FBN1: variants seen among roughly 807,000 people sequenced by gnomAD.
The protein encoded by FBN1 is fibrillin-1.
Under a neutral mutation model 365.1 loss-of-function variants are expected in FBN1, and 29 were observed. That is an observed-to-expected ratio of 0.08 (90% CI 0.06 to 0.11). The LOEUF is 0.11. Among genes scored for constraint, FBN1 ranks in the 10% least tolerant of loss-of-function variants. FBN1 has a pLI of 1.00. For missense variants in FBN1, 2,476 were observed against 3,703.2 expected (o/e 0.67, Z 8.60); for synonymous variants, 1,210 against 1,270.5 (o/e 0.95, Z 1.01).
intron 6 of FBN1, among the ~76,000 whole-genome samples, chr15:48,565,497 A>C (rs774154843): frequency 1.2e-4 from 19 of 152,114 alleles, no homozygotes; most frequent in Non-Finnish European, 2.6e-4. Flanking sequence ...TAGTTAATTA[A>C]AAACAAAAGG....
At chr15:48,449,384 G>C (rs2043183422) in intron 45 of FBN1, among the ~76,000 whole-genome samples, 1 of 152,090 alleles carries the variant, frequency 6.6e-6, no homozygotes, top group Non-Finnish European at 1.5e-5. Context: ...GCATCTCTTT[G>C]TTTTGTCTTA....
chr15:48,538,829 G>T (rs1328651180), intron 6 of FBN1, among the ~76,000 whole-genome samples: 1 of 152,142 alleles, frequency 6.6e-6, no homozygotes, highest in Non-Finnish European at 1.5e-5. Context: ...TTTAGGTGCA[G>T]TGATCCCTGT....
At chr15:48,471,031 A>C (rs1249963698) in intron 35 of FBN1, among the ~76,000 whole-genome samples, 1 of 151,942 alleles carries the variant, frequency 6.6e-6, no homozygotes. Flanking sequence ...ACGTAGGTCC[A>C]CATCACTTTC....
intron 40 of FBN1, among the ~76,000 whole-genome samples, 188 bp downstream of exon 40, chr15:48,465,380 C>T (rs926632544): frequency 4.6e-5 from 7 of 152,216 alleles, no homozygotes; most frequent in Admixed American, 1.3e-4. Context: ...TTAGGACTTA[C>T]CAGAAATGAC....
intron 62 of FBN1, 56 bp from the exon 63 acceptor site, chr15:48,420,862 G>A: frequency 6.2e-7 from 1 of 1,606,082 alleles, no homozygotes; most frequent in Non-Finnish European, 8.5e-7. Flanking sequence ...TCTGAAGCCA[G>A]ATGGATTCTA....
chr15:48,422,516 C>T (rs950531834), intron 60 of FBN1, among the ~76,000 whole-genome samples: 3 of 152,192 alleles, frequency 2.0e-5, no homozygotes, highest in Non-Finnish European at 4.4e-5. Context: ...CTTCTGTTTG[C>T]TGTTTTTAAT....
chr15:48,521,753 C>G (rs1351366917), intron 9 of FBN1, among the ~76,000 whole-genome samples: 1 of 152,216 alleles, frequency 6.6e-6, no homozygotes. Context: ...CTGACATGTG[C>G]TGAGGGTGTA....
chr15:48,545,897 C>T (rs779827200), intron 6 of FBN1, among the ~76,000 whole-genome samples: 3 of 151,902 alleles, frequency 2.0e-5, no homozygotes, highest in Non-Finnish European at 2.9e-5. Flanking sequence ...TGATGGTAGG[C>T]GCCTGTACTC....
At chr15:48,639,405 TTGTTATTA>T (rs962752592) in intron 2 of FBN1, among the ~76,000 whole-genome samples, 7 of 152,194 alleles carry the variant, frequency 4.6e-5, no homozygotes, top group Admixed American at 4.6e-4. Flanking sequence ...ATGGCTGCAA[TTGTTATTA>T]TGTATTTGTT....
intron 6 of FBN1, among the ~76,000 whole-genome samples, chr15:48,571,766 C>T (rs918379837): frequency 6.6e-6 from 1 of 152,156 alleles, no homozygotes; most frequent in African/African-American, 2.4e-5. Flanking sequence ...AACAATTTCA[C>T]TCCATTCTAA....
chr15:48,437,682 C>T, intron 51 of FBN1, 86 bp downstream of exon 51: 7 of 1,347,486 alleles, frequency 5.2e-6, no homozygotes, highest in Non-Finnish European at 7.4e-6. Context: ...AATTGTGTTA[C>T]TGTCTTTAAG....
intron 4 of FBN1, among the ~76,000 whole-genome samples, chr15:48,607,091 G>C (rs61673106): frequency 0.11 from 17,448 of 152,062 alleles, 3,435 homozygotes; most frequent in African/African-American, 0.4. Context: ...AAGTTATCCA[G>C]TCTGTGGTAT....
At chr15:48,539,492 C>A (rs1170530539) in intron 6 of FBN1, among the ~76,000 whole-genome samples, 1 of 152,082 alleles carries the variant, frequency 6.6e-6, no homozygotes, top group African/African-American at 2.4e-5. Context: ...TTTTAGTAGT[C>A]ACATATTAAT....
intron 6 of FBN1, among the ~76,000 whole-genome samples, chr15:48,560,930 T>C (rs139078762): frequency 2.0e-4 from 31 of 152,236 alleles, no homozygotes; most frequent in African/African-American, 4.8e-4. Context: ...ATCTGAACAA[T>C]AGGGATCATG....
chr15:48,603,244 T>C (rs769608805), intron 4 of FBN1, among the ~76,000 whole-genome samples: 26 of 152,240 alleles, frequency 1.7e-4, no homozygotes, highest in Non-Finnish European at 3.1e-4. Flanking sequence ...TCATTCAGAC[T>C]TGTGAAACAA....
At chr15:48,634,857 CCACACACACACACACACACA>C (rs57811526) in intron 2 of FBN1, among the ~76,000 whole-genome samples, 8 of 69,174 alleles carry the variant, frequency 1.2e-4, no homozygotes, top group East Asian at 8.8e-4. Flanking sequence ...AAAAAAAAAA[CCACACACACACACACACACA>C]CACACACACA....
intron 48 of FBN1, 81 bp downstream of exon 48, chr15:48,445,295 A>C: frequency 1.3e-6 from 2 of 1,489,242 alleles, no homozygotes; most frequent in Non-Finnish European, 1.9e-6. Flanking sequence ...TCCAGAAAGA[A>C]GCATTAGAAC....
At chr15:48,640,316 C>CT (rs1022588556) in intron 2 of FBN1, among the ~76,000 whole-genome samples, 4 of 151,900 alleles carry the variant, frequency 2.6e-5, no homozygotes, top group African/African-American at 9.7e-5. Flanking sequence ...ACACTATATC[C>CT]TTTTTTAAAA....
intron 4 of FBN1, among the ~76,000 whole-genome samples, chr15:48,601,501 A>G (rs1429180431): frequency 6.6e-6 from 1 of 152,206 alleles, no homozygotes; most frequent in Non-Finnish European, 1.5e-5. Flanking sequence ...TTAGCTAAGG[A>G]GAAGAGAATA....
Sources: gnomAD v4.1 joint callset for allele counts (sites outside exome capture counted in the v4.1 genomes callset) on GRCh38, gnomAD v4.1.1 for gene constraint, MANE v1.5 for transcripts, NCBI Gene and HGNC (gene_info 2026-07-23, HGNC 2026-07-21) for gene names.